PVT1: variants seen among roughly 807,000 people sequenced by gnomAD.
PVT1 encodes the protein CXCR4/PVT1 fusion.
At chr8:127,891,178 T>C (rs1238458359) in intron 3 of PVT1, among the ~76,000 whole-genome samples, 1 of 152,204 alleles carries the variant, frequency 6.6e-6, no homozygotes, top group Non-Finnish European at 1.5e-5. Flanking sequence ...TGACGTGTGT[T>C]ATTGTACCTG....
chr8:128,048,653 CTGCCTGTGTGACCT>C (rs1246938035), intron 4 of PVT1: 1 of 152,360 alleles, frequency 6.6e-6, no homozygotes, highest in Non-Finnish European at 1.5e-5. Flanking sequence ...TCCAGCATGG[CTGCCTGTGTGACCT>C]TGGCCACTTT....
At chr8:127,971,518 A>G (rs1816764199) in intron 3 of PVT1, among the ~76,000 whole-genome samples, 1 of 151,194 alleles carries the variant, frequency 6.6e-6, no homozygotes, top group African/African-American at 2.5e-5. Context: ...GCACTGGCAT[A>G]GAGCAGGGGC....
chr8:128,095,510 C>T (rs1329193909), intron 5 of PVT1, among the ~76,000 whole-genome samples: 1 of 152,196 alleles, frequency 6.6e-6, no homozygotes, highest in Non-Finnish European at 1.5e-5. Context: ...TGTACTCAAC[C>T]AGGAATTGGC....
At chr8:128,070,893 G>C (rs1035175458) in intron 5 of PVT1, among the ~76,000 whole-genome samples, 4 of 152,180 alleles carry the variant, frequency 2.6e-5, no homozygotes, top group Non-Finnish European at 5.9e-5. Flanking sequence ...TTTTAATAAA[G>C]AAGAAGAGAC....
intron 4 of PVT1, among the ~76,000 whole-genome samples, chr8:127,998,699 CT>C (rs1383138529): frequency 1.4e-5 from 2 of 141,440 alleles, no homozygotes; most frequent in African/African-American, 5.3e-5. Flanking sequence ...TTTCTTTCTT[CT>C]TTCTTTCTTT....
At chr8:127,919,759 TC>T (rs894142517) in intron 3 of PVT1, among the ~76,000 whole-genome samples, 7 of 152,194 alleles carry the variant, frequency 4.6e-5, no homozygotes, top group African/African-American at 1.7e-4. Flanking sequence ...TCCTGGGGAC[TC>T]GGGGAAGGTC....
intron 3 of PVT1, among the ~76,000 whole-genome samples, chr8:127,983,723 T>C (rs1480627005): frequency 3.9e-5 from 6 of 152,206 alleles, no homozygotes; most frequent in Non-Finnish European, 5.9e-5. Context: ...TCAGGAAATT[T>C]AGCATTGCTG....
intron 4 of PVT1, among the ~76,000 whole-genome samples, chr8:128,021,672 C>T (rs1258288148): frequency 6.6e-6 from 1 of 152,164 alleles, no homozygotes; most frequent in East Asian, 1.9e-4. Context: ...GCTAAAAATA[C>T]TCCTGGGATT....
chr8:127,850,194 T>C (rs936320800), intron 2 of PVT1, among the ~76,000 whole-genome samples: 1 of 152,186 alleles, frequency 6.6e-6, no homozygotes, highest in African/African-American at 2.4e-5. Flanking sequence ...TGCTGCTTTC[T>C]ATACCACCCA....
chr8:127,949,018 G>C (rs1563647725), intron 3 of PVT1, among the ~76,000 whole-genome samples: 1 of 152,234 alleles, frequency 6.6e-6, no homozygotes, highest in African/African-American at 2.4e-5. Context: ...GCGAGCCAGG[G>C]CCTGTTTAAG....
intron 3 of PVT1, among the ~76,000 whole-genome samples, chr8:127,917,859 G>A (rs912515950): frequency 6.6e-6 from 1 of 152,266 alleles, no homozygotes; most frequent in Non-Finnish European, 1.5e-5. Context: ...CTGTGTTTCC[G>A]ACAGGCCAGC....
At chr8:127,886,607 A>G (rs1586421980) in intron 2 of PVT1, among the ~76,000 whole-genome samples, 2 of 148,674 alleles carry the variant, frequency 1.3e-5, no homozygotes, top group South Asian at 2.1e-4. Context: ...AATGGATCCA[A>G]TTGATTGTTT....
intron 6 of PVT1, among the ~76,000 whole-genome samples, chr8:128,100,683 C>T (rs888071337): frequency 2.6e-5 from 4 of 152,176 alleles, no homozygotes; most frequent in African/African-American, 9.7e-5. Flanking sequence ...AAAATTATAA[C>T]AGTAAGCTAA....
chr8:128,003,759 A>T (rs1479844998), intron 4 of PVT1, among the ~76,000 whole-genome samples: 1 of 152,276 alleles, frequency 6.6e-6, no homozygotes, highest in African/African-American at 2.4e-5. Context: ...ACTATTCTCC[A>T]ACATGACTGA....
At chr8:127,827,291 C>T (rs998395696) in intron 2 of PVT1, among the ~76,000 whole-genome samples, 7 of 152,104 alleles carry the variant, frequency 4.6e-5, no homozygotes, top group South Asian at 2.1e-4. Context: ...CCACCACACC[C>T]GACCTAGCCC....
chr8:127,965,927 A>G (rs1816698819), intron 3 of PVT1, among the ~76,000 whole-genome samples: 2 of 152,210 alleles, frequency 1.3e-5, no homozygotes, highest in Non-Finnish European at 2.9e-5. Flanking sequence ...TACCTTTTGG[A>G]AAGACTACTT....
chr8:127,978,154 T>C (rs1346064024), intron 3 of PVT1, among the ~76,000 whole-genome samples: 1 of 70,860 alleles, frequency 1.4e-5, no homozygotes, highest in African/African-American at 5.2e-5. Flanking sequence ...TTACTTCTCT[T>C]TCTCTTTTTT....
chr8:127,963,560 C>T (rs2129950389), intron 3 of PVT1, among the ~76,000 whole-genome samples: 1 of 152,286 alleles, frequency 6.6e-6, no homozygotes, highest in East Asian at 1.9e-4. Flanking sequence ...CATAGAAAGG[C>T]AGCACCCCCC....
intron 3 of PVT1, among the ~76,000 whole-genome samples, chr8:127,985,100 C>T (rs1260635629): frequency 6.8e-6 from 1 of 147,932 alleles, no homozygotes; most frequent in Non-Finnish European, 1.5e-5. Flanking sequence ...GTGGCGTGAT[C>T]TCGGCTCACT....
Sources: gnomAD v4.1 joint callset for allele counts (sites outside exome capture counted in the v4.1 genomes callset) on GRCh38, gnomAD v4.1.1 for gene constraint, MANE v1.5 for transcripts, NCBI Gene and HGNC (gene_info 2026-07-23, HGNC 2026-07-21) for gene names.